Variants in FKBP5 observed in about 807,000 individuals in gnomAD.
FKBP5 encodes the protein FKBP prolyl isomerase 5.
FKBP5 carries 23 observed loss-of-function variants against 50.5 expected under a neutral mutation model. The ratio of observed to expected loss-of-function variants is 0.46; its 90% CI spans 0.33 to 0.65. FKBP5 has a LOEUF of 0.65. Ranked by LOEUF, FKBP5 falls within the 30% of genes least tolerant of loss-of-function variation. The probability of loss-of-function intolerance (pLI) is 0.02; values close to 1 mark genes in which losing one functional copy is unlikely to be tolerated. For synonymous variants in FKBP5, 176 were observed against 190.6 expected, an observed-to-expected ratio of 0.92 and a Z score of 0.63; for missense variants, 411 against 553.1, an observed-to-expected ratio of 0.74 and a Z score of 2.58.
intron 2 of FKBP5, among the ~76,000 whole-genome samples, chr6:35,640,759 T>C (rs1399483607): frequency 1.3e-5 from 2 of 152,218 alleles, no homozygotes. Flanking sequence ...TTTTTATTCT[T>C]TTACTTTTTA....
At chr6:35,725,658 C>T (rs745775543) in intron 1 of FKBP5, among the ~76,000 whole-genome samples, 8 of 151,912 alleles carry the variant, frequency 5.3e-5, no homozygotes, top group Non-Finnish European at 1.0e-4. Flanking sequence ...TTGGGGAGCC[C>T]AAGTGGAAGA....
rs1437297565 is a variant in FKBP5 at position 35,577,105 on chromosome 6, C to G, written c.1155G>C (p.Lys385Asn). The G allele has an allele frequency of 3.1e-6, 5 of 1,614,170 alleles. No homozygotes were observed. Among genetic ancestry groups the G allele is most frequent in the Non-Finnish European group, 4.2e-6 (5 of 1,180,024 alleles). ...ACATGGAGATCTGCAGTCTTGCAGC[C>G]TTATTCTGGGGGTTTACTTCCAGCA... ...EKVLEVNPQN[K>N]AARLQISMCQ... The change falls in exon 10 of 11, where the codon AAG (lysine) becomes AAC (asparagine). Residue 385 changes from lysine (K) to asparagine (N), a missense_variant. Lys to Asn is a moderately conservative substitution (Grantham distance 94). Around this residue, in one of 3 missense-constraint regions of FKBP5, gnomAD observed 267 missense variants for 405.9 expected, o/e 0.66. Transcript: ENST00000357266.
chr6:35,643,159 T>C (rs1764542119), intron 1 of FKBP5, among the ~76,000 whole-genome samples: 1 of 152,190 alleles, frequency 6.6e-6, no homozygotes. Context: ...TTTGAAAACA[T>C]CCTTTTTCTA....
intron 2 of FKBP5, among the ~76,000 whole-genome samples, chr6:35,720,097 C>A (rs894129391): frequency 7.9e-5 from 12 of 152,190 alleles, no homozygotes; most frequent in African/African-American, 2.9e-4. Flanking sequence ...GATCTGAGAA[C>A]CCTGGCTGTG....
rs1762172780 is a variant in FKBP5, at chr6:35,575,119, G to A, written c.*716C>T. ...AAACTCTCATCTGCTCATTATCATT[G>A]CTGAAGGGTGTTTTAGGAATGACAG... On this transcript the variant is annotated 3_prime_UTR_variant, in exon 11 of 11. Transcript: ENST00000357266. The A allele has an allele frequency of 6.6e-6, 1 of 152,186 alleles. No homozygotes were observed. Among genetic ancestry groups the A allele is most frequent in the Non-Finnish European group, 1.5e-5 (1 of 68,040 alleles). The allele number at this position is 152,186 out of a possible 1,614,324, so 9.4% of individuals were successfully genotyped here.
rs1403714362 is a variant in FKBP5, at chr6:35,659,215, A to G, written c.-19-16372T>C. 8.4e-5 allele frequency among the ~76,000 whole-genome samples: 7 copies of G among 82,948 alleles called. 1 individual carries two copies. Among genetic ancestry groups the G allele is most frequent in the African/African-American group, 2.6e-4 (7 of 26,880 alleles). The allele number at this position is 82,948 out of a possible 152,430, so 54.4% of individuals were successfully genotyped here. A position where few individuals can be genotyped will look rare whatever the true frequency, so the allele number is the denominator to read the frequency against. ...AATGTTTGGTAGAATCAGGAATACC[A>G]TGTAGGCCTAGAGTTTTCTTTGTGG... On this transcript the variant is annotated intron_variant, in intron 1 of 10. Transcript: ENST00000357266.
chr6:35,631,280 C>T lies in FKBP5; in HGVS notation c.250+5734G>A, dbSNP rs111803329. ...TGTGGAATACTTCTCAGGAATTCAA[C>T]ATGCATGAATCCCAAAGTCATTATG... is the stretch of plus-strand genomic sequence containing the variant. On this transcript the variant is annotated intron_variant, in intron 3 of 10. Transcript: ENST00000357266. Among the ~76,000 whole-genome samples the T allele has an allele frequency of 5.4e-3, 824 of 152,304 alleles. 11 individuals carry two copies. Among genetic ancestry groups the T allele is most frequent in the African/African-American group, 0.018 (752 of 41,556 alleles).
chr6:35,638,614 T>C (rs1764388369), intron 2 of FKBP5, among the ~76,000 whole-genome samples: 1 of 151,948 alleles, frequency 6.6e-6, no homozygotes. Flanking sequence ...GATGAGATCT[T>C]GCTACATTGC....
chr6:35,682,680 T>A (rs1340769694), intron 1 of FKBP5, among the ~76,000 whole-genome samples: 1 of 152,200 alleles, frequency 6.6e-6, no homozygotes, highest in Non-Finnish European at 1.5e-5. Context: ...TCTTCCAGTC[T>A]GATTTTTCTT....
intron 1 of FKBP5, among the ~76,000 whole-genome samples, chr6:35,682,842 T>C (rs1053594638): frequency 6.7e-5 from 10 of 150,266 alleles, no homozygotes; most frequent in African/African-American, 9.8e-5. Context: ...CAGGAGTTTG[T>C]GTCGAGGCTG....
chr6:35,695,937 G>A (rs1766072616), intron 2 of FKBP5, among the ~76,000 whole-genome samples: 1 of 151,926 alleles, frequency 6.6e-6, no homozygotes, highest in Non-Finnish European at 1.5e-5. Flanking sequence ...GAGGTCAGGA[G>A]ATCGAGACCA....
chr6:35,662,864 G>A (rs1277675761), intron 1 of FKBP5, among the ~76,000 whole-genome samples: 1 of 152,114 alleles, frequency 6.6e-6, no homozygotes, highest in Admixed American at 6.5e-5. Flanking sequence ...CCTGTTCTAG[G>A]AGCTACAAAG....
intron 9 of FKBP5, among the ~76,000 whole-genome samples, chr6:35,579,627 T>C (rs923098074): frequency 6.6e-6 from 1 of 152,168 alleles, no homozygotes; most frequent in Non-Finnish European, 1.5e-5. Flanking sequence ...ATAATAAAAA[T>C]TGACCTATAT....
At chr6:35,664,215 G>C (rs1765152884) in intron 1 of FKBP5, among the ~76,000 whole-genome samples, 1 of 152,092 alleles carries the variant, frequency 6.6e-6, no homozygotes, top group Non-Finnish European at 1.5e-5. Flanking sequence ...AGTTTTAAAA[G>C]CCAGGGAATA....
rs1762604036 is a variant in FKBP5, at chr6:35,586,527, G to A, written c.840+507C>T. The A allele has an allele frequency of 8.1e-6, 8 of 984,690 alleles. No homozygotes were observed. The South Asian group carries it at 3.6e-4, about 45-fold the overall frequency. 61.0% of individuals were successfully genotyped at this position (984,690 alleles called of 1,614,324 possible). A position where few individuals can be genotyped will look rare whatever the true frequency, so the allele number is the denominator to read the frequency against. On this transcript the variant is annotated intron_variant, in intron 8 of 10. Transcript: ENST00000357266. Reference sequence around the variant, plus strand: ...CACGCCTGTAATCTCAGCACTTTGGGAAGCTGAGGTGGGAGGATTGCTTGA... The same window carrying A: ...CACGCCTGTAATCTCAGCACTTTGGAAAGCTGAGGTGGGAGGATTGCTTGA...
At chr6:35,637,308 C>A in intron 2 of FKBP5, 150 bp from the exon 3 acceptor site, 1 of 683,450 alleles carries the variant, frequency 1.5e-6, no homozygotes, top group South Asian at 1.9e-5. Context: ...TCATTCCTCA[C>A]AATAACTCAT....
At chr6:35,616,697 T>C in intron 5 of FKBP5, among the ~76,000 whole-genome samples, 1 of 152,206 alleles carries the variant, frequency 6.6e-6, no homozygotes, top group South Asian at 2.1e-4. Context: ...TGTGATATTG[T>C]CTATAATTGG....
At chr6:35,599,648 A>C (rs1244909145) in intron 5 of FKBP5, among the ~76,000 whole-genome samples, 1 of 152,142 alleles carries the variant, frequency 6.6e-6, no homozygotes, top group East Asian at 1.9e-4. Context: ...CCAAACTAGA[A>C]AGGGCCTAAC....
chr6:35,624,489 GA>G (rs1317038453), intron 3 of FKBP5, among the ~76,000 whole-genome samples: 3 of 70,890 alleles, frequency 4.2e-5, no homozygotes, highest in Admixed American at 1.6e-4. Flanking sequence ...TTTCAAAAAA[GA>G]AAAAAAATTT....
Sources: allele counts gnomAD v4.1 joint callset (sites outside exome capture counted in the v4.1 genomes callset), GRCh38; gene constraint gnomAD v4.1.1; regional missense constraint gnomAD v4.1.1; transcripts MANE v1.5; gene names NCBI Gene and HGNC (gene_info 2026-07-23, HGNC 2026-07-21).